The following RCC1 variants were observed in gnomAD, a reference collection of about 807,000 sequenced individuals.
RCC1 encodes regulator of chromosome condensation.
RCC1 carries 11 observed loss-of-function variants against 44.4 expected under a neutral mutation model. That is an observed-to-expected ratio of 0.25 (90% CI 0.16 to 0.41). The LOEUF is 0.41. Ranked by LOEUF, RCC1 falls within the 10% of genes least tolerant of loss-of-function variation. The pLI, the probability that RCC1 is intolerant of heterozygous loss-of-function variation, is 1.00. For missense variants in RCC1, 386 were observed against 547.1 expected (o/e 0.71, Z 2.94); for synonymous variants, 213 against 216.5 (o/e 0.98, Z 0.14).
chr1:28,519,936 G>A (rs1441667735), intron 4 of RCC1, among the ~76,000 whole-genome samples: 1 of 150,742 alleles, frequency 6.6e-6, no homozygotes, highest in Non-Finnish European at 1.5e-5. Flanking sequence ...ATAGTGTCGT[G>A]CTCTCAGTCG....
At chr1:28,507,245 T>A (rs1008327740) in intron 1 of RCC1, 4 of 438,254 alleles carry the variant, frequency 9.1e-6, no homozygotes, top group Non-Finnish European at 1.8e-5. Context: ...GATTTTTTTT[T>A]AACACCCCAC....
chr1:28,534,938 G>A (rs1664449436), intron 7 of RCC1, 112 bp from the exon 8 acceptor site: 2 of 789,452 alleles, frequency 2.5e-6, no homozygotes, highest in Non-Finnish European at 4.6e-6. Flanking sequence ...TTGAGTATGT[G>A]GCCTGGCTCC....
chr1:28,534,693 C>G (rs572998886), intron 7 of RCC1, among the ~76,000 whole-genome samples: 1 of 152,172 alleles, frequency 6.6e-6, no homozygotes, highest in Non-Finnish European at 1.5e-5. Context: ...GTTGCCCAAG[C>G]TGGTCCTGAG....
At chr1:28,520,940 C>T (rs1417607947) in intron 4 of RCC1, among the ~76,000 whole-genome samples, 2 of 151,886 alleles carry the variant, frequency 1.3e-5, no homozygotes, top group Non-Finnish European at 2.9e-5. Context: ...GTTAGCCAGG[C>T]GTGGTGGCTT....
intron 5 of RCC1, 87 bp from the exon 6 acceptor site, chr1:28,531,716 G>A: frequency 8.6e-7 from 1 of 1,159,530 alleles, no homozygotes; most frequent in Non-Finnish European, 1.2e-6. Context: ...AGGGGCTTCT[G>A]CACAGGTTTG....
At position 28,535,360 on chromosome 1, in the gene RCC1, G is replaced by A. The variant is rs763928410; in HGVS notation, c.641G>A (p.Arg214His). ...CGTGTGCCTGAGTTATTTGCCAACCGTGGTGGCCGGCAAGGCCTCGGTAAG... is the reference window on the plus strand; with the variant it reads ...CGTGTGCCTGAGTTATTTGCCAACCATGGTGGCCGGCAAGGCCTCGGTAAG... ...LGRVPELFANRGGRQGLERLL... is the reference protein window; with the variant it reads ...LGRVPELFANHGGRQGLERLL... Residue 214 changes from arginine (R) to histidine (H), a missense_variant, in exon 9 of 13, where the codon CGT (arginine) becomes CAT (histidine). Physicochemically the swap from Arg to His is conservative, Grantham distance 29. Coordinates refer to ENST00000683442, the MANE Select transcript of RCC1 (RefSeq NM_001381865.2). 3 of 1,614,020 alleles carry A rather than the reference G, an allele frequency of 1.9e-6. No homozygotes were observed. Among genetic ancestry groups the A allele is most frequent in the Non-Finnish European group, 2.5e-6 (3 of 1,180,036 alleles).
At chr1:28,530,652 C>A in intron 5 of RCC1, 1 of 1,538,418 alleles carries the variant, frequency 6.5e-7, no homozygotes, top group South Asian at 1.2e-5. Flanking sequence ...GTGCTGCCAG[C>A]GCGGGCTCCT....
rs1664697482 is a variant in RCC1 at position 28,538,519 on chromosome 1, G to A, written c.*512G>A. ...GTGCAGAAAAAAGCAGAGCTACATG[G>A]CTGTGGGCAACTATAAGCCAAATAT... On this transcript the variant is annotated 3_prime_UTR_variant, in exon 13 of 13. Coordinates refer to ENST00000683442, the MANE Select transcript of RCC1 (RefSeq NM_001381865.2). The A allele has an allele frequency of 6.6e-6, 1 of 152,396 alleles. No individual in the cohort carries two copies. Among genetic ancestry groups the A allele is most frequent in the Admixed American group, 6.5e-5 (1 of 15,288 alleles). 9.4% of individuals were successfully genotyped at this position (152,396 alleles called of 1,614,324 possible). A position where few individuals can be genotyped will look rare whatever the true frequency, so the allele number is the denominator to read the frequency against.
intron 4 of RCC1, among the ~76,000 whole-genome samples, chr1:28,521,954 T>C (rs946814790): frequency 6.6e-6 from 1 of 152,234 alleles, no homozygotes. Flanking sequence ...GATAAAGTTA[T>C]CTTTCTGAGC....
chr1:28,526,911 A>G, intron 4 of RCC1: 1 of 778,010 alleles, frequency 1.3e-6, no homozygotes, highest in Non-Finnish European at 2.2e-6. Context: ...AAAAAAAAAA[A>G]AAGAAAGAAA....
Position 28,536,662 on chromosome 1 carries a change from G to A in RCC1, c.938-85G>A. The stretch of plus-strand genomic sequence containing the variant: ...TCTGGGAGCAGGGACACACTCCCAT[G>A]GACAGGTGGACTCACCTAGCCTGCC... On this transcript the variant is annotated intron_variant, in intron 11 of 12. Coordinates refer to ENST00000683442, the MANE Select transcript of RCC1 (RefSeq NM_001381865.2). This position sits in a 1 kb window ranked among gnomAD's most constrained non-coding sequence, Gnocchi z 4.9. The A allele has an allele frequency of 6.7e-7, 1 of 1,486,744 alleles. No homozygotes were observed. Among genetic ancestry groups the A allele is most frequent in the Non-Finnish European group, 9.2e-7 (1 of 1,082,462 alleles). The allele number at this position is 1,486,744 out of a possible 1,614,324, so 92.1% of individuals were successfully genotyped here.
At chr1:28,524,091 A>T (rs1238366730) in intron 4 of RCC1, among the ~76,000 whole-genome samples, 1 of 152,232 alleles carries the variant, frequency 6.6e-6, no homozygotes, top group Non-Finnish European at 1.5e-5. Flanking sequence ...CTGGGATTAC[A>T]GGCGTGAGCC....
chr1:28,510,067 A>G (rs371024871), intron 3 of RCC1: 3 of 152,298 alleles, frequency 2.0e-5, no homozygotes, highest in African/African-American at 7.2e-5. Flanking sequence ...AATGTTCAGT[A>G]CCCTGAAGGA....
chr1:28,506,127 G>A (rs1304255519), intron 1 of RCC1, 43 bp downstream of exon 1: 1 of 454,842 alleles, frequency 2.2e-6, no homozygotes, highest in South Asian at 1.6e-5. Flanking sequence ...GCTTGCCACC[G>A]GAGTTGTGGG....
At chr1:28,523,013 G>A (rs2840766) in intron 4 of RCC1, among the ~76,000 whole-genome samples, 1 of 148,914 alleles carries the variant, frequency 6.7e-6, no homozygotes, top group Admixed American at 6.8e-5. Context: ...GGAGGAAGGA[G>A]GCAGAAGAAA....
At chr1:28,513,651 T>C (rs913182843) in intron 3 of RCC1, among the ~76,000 whole-genome samples, 1 of 152,062 alleles carries the variant, frequency 6.6e-6, no homozygotes, top group African/African-American at 2.4e-5. Context: ...AGATTATGAC[T>C]CACTGCAGCC....
chr1:28,511,686 T>G (rs2853736), intron 3 of RCC1, among the ~76,000 whole-genome samples: 50,369 of 150,494 alleles, frequency 0.33, 9,038 homozygotes, highest in African/African-American at 0.45. Context: ...TTTTGAGATC[T>G]AATCTCACTC....
At chr1:28,515,353 G>A (rs897557764) in intron 3 of RCC1, among the ~76,000 whole-genome samples, 3 of 152,066 alleles carry the variant, frequency 2.0e-5, no homozygotes, top group African/African-American at 7.2e-5. Flanking sequence ...GGGAGGCTGA[G>A]GCAGAGGTTG....
chr1:28,508,721 T>C (rs759257280), intron 2 of RCC1, 109 bp from the exon 3 acceptor site: 1 of 518,716 alleles, frequency 1.9e-6, no homozygotes, highest in African/African-American at 1.9e-5. Flanking sequence ...CCCAGAGTCC[T>C]GTGGACAATG....
Sources: gnomAD v4.1 joint callset for allele counts (sites outside exome capture counted in the v4.1 genomes callset) on GRCh38, gnomAD v4.1.1 for gene constraint, Gnocchi (gnomAD v3.1) non-coding constraint, MANE v1.5 for transcripts, NCBI Gene and HGNC (gene_info 2026-07-23, HGNC 2026-07-21) for gene names.